TEP1: variants seen among roughly 807,000 people sequenced by gnomAD.
The protein encoded by TEP1 is telomerase protein component 1.
Under a neutral mutation model 306.3 loss-of-function variants are expected in TEP1, and 241 were observed. The ratio of observed to expected loss-of-function variants is 0.79; its 90% confidence interval spans 0.71 to 0.88. The LOEUF (loss-of-function observed/expected upper bound fraction) is 0.88, where lower values mean the gene tolerates loss of function less well. TEP1 is among the 40% of genes least tolerant of loss of function. The pLI is 0.00. For missense variants in TEP1, 3,051 were observed against 3,276.1 expected, an observed-to-expected ratio of 0.93 and a Z score of 1.68; for synonymous variants, 1,289 against 1,305.5, an observed-to-expected ratio of 0.99 and a Z score of 0.27.
In TEP1 at chr14:20,406,330, C is replaced by T; in HGVS notation, c.638G>A (p.Gly213Glu). Residue 213 changes from glycine (G) to glutamate (E), a missense_variant, in exon 3 of 55, where the codon GGA (glycine) becomes GAA (glutamate). Physicochemically the swap from Gly to Glu is moderately conservative, Grantham distance 98 (BLOSUM62 -2). This residue lies in a region of TEP1 where 1,507 missense variants were observed against 1,550.5 expected (regional missense o/e 0.97). Transcript: ENST00000262715. ...TQMPSYSLSLGEEEEVEDLAV... is the reference protein window; with the variant it reads ...TQMPSYSLSLEEEEEVEDLAV... Reference sequence around the variant, plus strand: ...CAGATCCTCCACCTCCTCCTCCTCTCCCAAGCTCAGACTATAAGAAGGCAT... The same window carrying T: ...CAGATCCTCCACCTCCTCCTCCTCTTCCAAGCTCAGACTATAAGAAGGCAT... The T allele has an allele frequency of 1.2e-6, 2 of 1,614,172 alleles. No homozygotes were observed. Among genetic ancestry groups the T allele is most frequent in the East Asian group, 2.2e-5 (1 of 44,878 alleles).
In TEP1 at chr14:20,377,736, CCCTGACCACA is replaced by C. The variant is rs1198309649; in HGVS notation, c.5729_5738del (p.Val1910GlyfsTer66). ...GGTGCCCACGGGGCCGACCCAGAGA[CCCTGACCACA>C]CCTGAACCTGGGAACCAAGAAAAGG... On this transcript the variant is annotated frameshift_variant, in exon 40 of 55. Coordinates refer to ENST00000262715, the MANE Select transcript of TEP1 (RefSeq NM_007110.5). LOFTEE classifies it high-confidence loss of function. 1.1e-5 allele frequency: 17 copies of C among 1,613,752 alleles called. No homozygotes were observed. Among genetic ancestry groups the C allele is most frequent in the Non-Finnish European group, 1.4e-5 (17 of 1,180,004 alleles).
chr14:20,409,576 C>G (rs930031774), intron 1 of TEP1, among the ~76,000 whole-genome samples: 1 of 152,172 alleles, frequency 6.6e-6, no homozygotes, highest in African/African-American at 2.4e-5. Flanking sequence ...CATATCTCTG[C>G]CCCAAATCCA....
rs1885455310 is a variant in TEP1 at position 20,380,330 on chromosome 14, A to C, written c.4908T>G (p.Pro1636=). The C allele has an allele frequency of 5.6e-6, 9 of 1,613,996 alleles. No homozygotes were observed. The highest frequency in any genetic ancestry group is 7.6e-6 in the Non-Finnish European group (9 of 1,180,034). Residue 1636 remains proline (P), a synonymous_variant, in exon 34 of 55, where the codon CCT becomes CCG. Transcript: ENST00000262715. ...AGAGCAGCGAGGCTTGGTGGCAAAGAGGTGAGTCCAGGGGCTGGTTGGCTG... is the reference window on the plus strand; with the variant it reads ...AGAGCAGCGAGGCTTGGTGGCAAAGCGGTGAGTCCAGGGGCTGGTTGGCTG... ...QQAANQPLDS[P]LCHQASLLSR... is the part of the protein sequence containing the mutation.
rs766940783 is a variant in TEP1, at chr14:20,378,777, C to T, written c.5329G>A (p.Val1777Met). Reference sequence around the variant, plus strand: ...ACCTTTAGGCATCCTCCCAAGCACACGGTGGCTAGCAGCCGGCAGTCTGGG... The same window carrying T: ...ACCTTTAGGCATCCTCCCAAGCACATGGTGGCTAGCAGCCGGCAGTCTGGG... ...LSPDCRLLATVCLGGCLKLWD... is the reference protein window; with the variant it reads ...LSPDCRLLATMCLGGCLKLWD... The change falls in exon 37 of 55, where the codon GTG (valine) becomes ATG (methionine). Residue 1777 changes from valine (V) to methionine (M), a missense_variant. Val to Met is a conservative substitution (Grantham distance 21, BLOSUM62 1). This residue lies in a region of TEP1 where 1,540 missense variants were observed against 1,705.9 expected (regional missense o/e 0.90). Coordinates refer to ENST00000262715, the MANE Select transcript of TEP1 (RefSeq NM_007110.5). 15 of 1,614,064 alleles carry T rather than the reference C, an allele frequency of 9.3e-6. No individual in the cohort carries two copies. The highest frequency in any genetic ancestry group is 4.0e-5 in the African/African-American group (3 of 74,940).
In TEP1 at chr14:20,381,803, G is replaced by C; in HGVS notation, c.4424+110C>G. 6.5e-7 allele frequency: 1 copy of C among 1,540,292 alleles called. No homozygotes were observed. Among genetic ancestry groups the C allele is most frequent in the Middle Eastern group, 1.8e-4 (1 of 5,672 alleles). ...AGCGGAAACTGGAGCAGCTGGAGCAGTAGCTCATTCATGGTCTGGGAGCCA... is the reference window on the plus strand; with the variant it reads ...AGCGGAAACTGGAGCAGCTGGAGCACTAGCTCATTCATGGTCTGGGAGCCA... On this transcript the variant is annotated intron_variant, in intron 30 of 54. Coordinates refer to ENST00000262715, the MANE Select transcript of TEP1 (RefSeq NM_007110.5). The surrounding 1 kb of genome is among the most constrained non-coding windows in gnomAD (Gnocchi z 4.0).
At chr14:20,394,037 G>T (rs540119345) in intron 12 of TEP1, among the ~76,000 whole-genome samples, 61 of 151,918 alleles carry the variant, frequency 4.0e-4, no homozygotes, top group Non-Finnish European at 7.1e-4. Context: ...CAGTGAGCTG[G>T]GATTGTGCCA....
chr14:20,388,107 C>T (rs1314904493), intron 17 of TEP1, 44 bp from the exon 18 acceptor site: 3 of 1,605,796 alleles, frequency 1.9e-6, no homozygotes, highest in Admixed American at 1.7e-5. Context: ...TACCACAGGT[C>T]GAAATCAGTG....
Position 20,374,522 on chromosome 14 carries a change from A to G in TEP1, c.6378T>C (p.Ser2126=), listed in dbSNP as rs764224282. 4.3e-6 allele frequency: 7 copies of G among 1,612,876 alleles called. No homozygotes were observed. The highest frequency in any genetic ancestry group is 5.9e-6 in the Non-Finnish European group (7 of 1,179,616). ...TKDNLLISCS[S]DGSVGLWDPE... ...GGTCCCAGAGCCCCACAGAGCCATC[A>G]CTGGAGCAGGATATCTACAGAGTCA... is the stretch of plus-strand genomic sequence containing the variant. Residue 2126 remains serine, a synonymous_variant, in exon 44 of 55, where the codon AGT becomes AGC. Transcript: ENST00000262715.
chr14:20,382,067 A>C lies in TEP1; in HGVS notation c.4274-4T>G. 1 of 1,614,006 alleles carries C rather than the reference A, an allele frequency of 6.2e-7. No individual in the cohort carries two copies. The highest frequency in any genetic ancestry group is 8.5e-7 in the Non-Finnish European group (1 of 1,179,960). On this transcript the variant is annotated splice_region_variant and splice_polypyrimidine_tract_variant and intron_variant, in intron 29 of 54. Coordinates refer to ENST00000262715, the MANE Select transcript of TEP1 (RefSeq NM_007110.5). Reference sequence around the variant, plus strand: ...TGCAGCTGGTCCACAGTCAAACCTGAAAACTCAAGCTCTCTGAGGCCCTCA... The same window carrying C: ...TGCAGCTGGTCCACAGTCAAACCTGCAAACTCAAGCTCTCTGAGGCCCTCA...
rs762436649 is a variant in TEP1, at chr14:20,384,093, T to G, written c.3479A>C (p.His1160Pro). Residue 1160 changes from histidine (H) to proline (P), a missense_variant, in exon 24 of 55, where the codon CAC (histidine) becomes CCC (proline). By Grantham distance (77) the His-to-Pro change is moderately conservative (BLOSUM62 -2). This residue lies in a region of TEP1 where 1,507 missense variants were observed against 1,550.5 expected (regional missense o/e 0.97). Coordinates refer to ENST00000262715, the MANE Select transcript of TEP1 (RefSeq NM_007110.5). ...QDTVQRLMLPHGRLSLVTGQS... is the reference protein window; with the variant it reads ...QDTVQRLMLPPGRLSLVTGQS... Reference sequence around the variant, plus strand: ...CCCCGTCACCAGGCTCAGCCTTCCGTGGGGCAGCATCAGCCGTTGCACTGT... The same window carrying G: ...CCCCGTCACCAGGCTCAGCCTTCCGGGGGGCAGCATCAGCCGTTGCACTGT... 10 of 1,613,842 alleles carry G rather than the reference T, an allele frequency of 6.2e-6. No individual in the cohort carries two copies. Among genetic ancestry groups the G allele is most frequent in the Non-Finnish European group, 8.5e-6 (10 of 1,179,966 alleles).
chr14:20,401,585 TG>T lies in TEP1; in HGVS notation c.1267-5del, dbSNP rs763580637. On this transcript the variant is annotated splice_polypyrimidine_tract_variant and splice_region_variant and intron_variant, in intron 7 of 54. Transcript: ENST00000262715. ...CTGTATCACCGGCCTTCTCAAACTG[TG>T]GAAACATCCCCAAGTCCCACAGGGG... 13 of 1,614,012 alleles carry T rather than the reference TG, an allele frequency of 8.1e-6. No homozygotes were observed. The highest frequency in any genetic ancestry group is 1.1e-5 in the Non-Finnish European group (13 of 1,179,966).
chr14:20,382,321 G>C lies in TEP1; in HGVS notation c.4176C>G (p.Val1392=). ...TCAGGATGTGCTGCAGCAGCAGGGG[G>C]ACAGTGGCAGGCAGGGTCCGGAGTC... ...SERLRTLPAT[V]PLLLQHILST... is the part of the protein sequence containing the mutation. Residue 1392 remains valine (V), a synonymous_variant, in exon 29 of 55, where the codon GTC becomes GTG. Transcript: ENST00000262715. 1.2e-6 allele frequency: 2 copies of C among 1,613,490 alleles called. No homozygotes were observed. The highest frequency in any genetic ancestry group is 1.7e-6 in the Non-Finnish European group (2 of 1,179,676).
rs1382459720 is a variant in TEP1 at position 20,371,218 on chromosome 14, CAAGA to C, written c.7313_7316del (p.Phe2438Ter). The C allele has an allele frequency of 3.1e-6, 5 of 1,613,104 alleles. No individual in the cohort carries two copies. Among genetic ancestry groups the C allele is most frequent in the Non-Finnish European group, 3.4e-6 (4 of 1,179,244 alleles). ...TAGCACACACTCAAATAGGACTTACCAAGAAAGAAAGAACTCCAGGATCCTTGGG... is the reference window on the plus strand; with the variant it reads ...TAGCACACACTCAAATAGGACTTACCAAGAAAGAACTCCAGGATCCTTGGG... On this transcript the variant is annotated frameshift_variant and splice_region_variant, in exon 51 of 55. Transcript: ENST00000262715. LOFTEE classifies it high-confidence loss of function.
At position 20,377,504 on chromosome 14, in the gene TEP1, G is replaced by C; in HGVS notation, c.5876-12C>G. ...AGCCCCCTGGGAACCTAGAGAATGAGAGAGAACAAGGGAGTAAGACACTTG... is the reference window on the plus strand; with the variant it reads ...AGCCCCCTGGGAACCTAGAGAATGACAGAGAACAAGGGAGTAAGACACTTG... On this transcript the variant is annotated splice_polypyrimidine_tract_variant and intron_variant, in intron 40 of 54. Coordinates refer to ENST00000262715, the MANE Select transcript of TEP1 (RefSeq NM_007110.5). 1.2e-6 allele frequency: 2 copies of C among 1,613,392 alleles called. No individual in the cohort carries two copies. The highest frequency in any genetic ancestry group is 1.7e-6 in the Non-Finnish European group (2 of 1,179,478).
At position 20,374,471 on chromosome 14, in the gene TEP1, C is replaced by T. The variant is rs1222860999; in HGVS notation, c.6429G>A (p.Gln2143=). The T allele has an allele frequency of 6.2e-7, 1 of 1,613,582 alleles. No homozygotes were observed. Residue 2143 remains glutamine, a synonymous_variant, in exon 44 of 55, where the codon CAG becomes CAA. Coordinates refer to ENST00000262715, the MANE Select transcript of TEP1 (RefSeq NM_007110.5). ...WDPESGQRLG[Q]FLGHQSAVSA... is the part of the protein sequence containing the mutation. ...TCACAGCACTCTGATGACCCAGGAA[C>T]TGACCAAGCCGCTGTCCTGACTCTG...
At chr14:20,386,669 C>T (rs1594347386) in intron 18 of TEP1, 46 bp from the exon 19 acceptor site, 1 of 1,510,950 alleles carries the variant, frequency 6.6e-7, no homozygotes, top group Non-Finnish European at 8.9e-7. Flanking sequence ...ATGATTCCCA[C>T]CCCCCATCCA....
rs1295314478 is a variant in TEP1 at position 20,365,712 on chromosome 14, T to C, written c.*2725A>G. On this transcript the variant is annotated 3_prime_UTR_variant, in exon 55 of 55. Coordinates refer to ENST00000262715, the MANE Select transcript of TEP1 (RefSeq NM_007110.5). ...ATTAAATTTGTCAGATATTACTTTT[T>C]AAATTCCTACACAGTTTCTAAATGG... 6.6e-6 allele frequency: 1 copy of C among 152,248 alleles called. No individual in the cohort carries two copies. Among genetic ancestry groups the C allele is most frequent in the Non-Finnish European group, 1.5e-5 (1 of 68,046 alleles). 9.4% of individuals were successfully genotyped at this position (152,248 alleles called of 1,614,324 possible).
chr14:20,396,676 C>G lies in TEP1; in HGVS notation c.1604G>C (p.Arg535Pro), dbSNP rs769367433. 1 of 1,612,052 alleles carries G rather than the reference C, an allele frequency of 6.2e-7. No homozygotes were observed. The highest frequency in any genetic ancestry group is 1.1e-5 in the South Asian group (1 of 90,972). The change falls in exon 10 of 55, where the codon CGG (arginine) becomes CCG (proline). Residue 535 changes from arginine (R) to proline (P), a missense_variant. Physicochemically the swap from Arg to Pro is moderately radical, Grantham distance 103 (BLOSUM62 -2). Transcript: ENST00000262715. ...ATGGTGGCGGGAACTGATTCCAACC[C>G]GCAGCAGGTTGCACAGGTTCCGAAG... ...AMLRNLCNLL[R>P]VGISSRHHEL...
At chr14:20,396,841 C>T in intron 9 of TEP1, 111 bp from the exon 10 acceptor site, 2 of 657,688 alleles carry the variant, frequency 3.0e-6, no homozygotes, top group Admixed American at 5.6e-5. Context: ...ATCACTTGAG[C>T]CCAGAACCCA....
Sources: gnomAD v4.1 joint callset for allele counts (sites outside exome capture counted in the v4.1 genomes callset) on GRCh38, gnomAD v4.1.1 for gene constraint, gnomAD v4.1.1 regional missense constraint, Gnocchi (gnomAD v3.1) non-coding constraint, MANE v1.5 for transcripts, NCBI Gene and HGNC (gene_info 2026-07-23, HGNC 2026-07-21) for gene names.